The following IFRD1 variants were observed in gnomAD, a reference collection of about 807,000 sequenced individuals.
IFRD1 encodes interferon related developmental regulator 1.
A neutral mutation model predicts 52.9 loss-of-function variants in IFRD1; 35 were observed. That is an observed-to-expected ratio of 0.66 (90% CI 0.51 to 0.88). IFRD1 has a LOEUF of 0.88. IFRD1 is among the 40% of genes least tolerant of loss of function. The pLI is 0.00. For missense variants in IFRD1, 517 were observed against 550.8 expected (o/e 0.94, Z 0.61); for synonymous variants, 184 against 188.4 (o/e 0.98, Z 0.19).
chr7:112,467,868 A>G (rs1795650153), intron 8 of IFRD1, 113 bp from the exon 9 acceptor site: 1 of 1,006,412 alleles, frequency 9.9e-7, no homozygotes, highest in South Asian at 1.4e-5. Flanking sequence ...GAAGATTTAC[A>G]TTGCCTTATG....
chr7:112,437,106 G>A (rs1794719465), intron 1 of IFRD1: 1 of 154,516 alleles, frequency 6.5e-6, no homozygotes, highest in Non-Finnish European at 1.5e-5. Flanking sequence ...GTGTGACCCA[G>A]CTAATACCCA....
chr7:112,454,840 A>G (rs1234944536), intron 1 of IFRD1, among the ~76,000 whole-genome samples: 1 of 119,698 alleles, frequency 8.4e-6, no homozygotes, highest in Non-Finnish European at 1.8e-5. Flanking sequence ...AGAAATAATT[A>G]TTTCATCTTC....
intron 8 of IFRD1, among the ~76,000 whole-genome samples, chr7:112,465,811 G>A (rs574503483): frequency 1.3e-5 from 2 of 152,198 alleles, no homozygotes; most frequent in South Asian, 4.1e-4. Flanking sequence ...GTATGGTTGT[G>A]ATGGCTACAC....
In IFRD1 at chr7:112,461,987, T is replaced by A. The variant is rs763069876; in HGVS notation, c.619-14T>A. The A allele has an allele frequency of 7.2e-5, 115 of 1,605,520 alleles. No individual in the cohort carries two copies. The highest frequency in any genetic ancestry group is 7.4e-5 in the Non-Finnish European group (87 of 1,172,548). On this transcript the variant is annotated splice_polypyrimidine_tract_variant and intron_variant, in intron 6 of 11. Transcript: ENST00000403825. ...TTTAAGATGGTTATCTTACTTCATATTCTTATGCATTAGGAACTATACTCA... is the reference window on the plus strand; with the variant it reads ...TTTAAGATGGTTATCTTACTTCATAATCTTATGCATTAGGAACTATACTCA...
chr7:112,429,187 T>C (rs191069262), intron 1 of IFRD1, among the ~76,000 whole-genome samples: 10 of 152,364 alleles, frequency 6.6e-5, no homozygotes, highest in East Asian at 3.9e-4. Context: ...TTTATCCCAA[T>C]TGTGGCTTTT....
At chr7:112,465,106 C>T (rs1045570345) in intron 8 of IFRD1, among the ~76,000 whole-genome samples, 2 of 152,094 alleles carry the variant, frequency 1.3e-5, no homozygotes, top group African/African-American at 2.4e-5. Context: ...CAAGATCATA[C>T]CTCACTGCAG....
At chr7:112,428,148 C>G (rs1794468527) in intron 1 of IFRD1, among the ~76,000 whole-genome samples, 1 of 152,170 alleles carries the variant, frequency 6.6e-6, no homozygotes, top group Admixed American at 6.5e-5. Flanking sequence ...AGGCATTTGC[C>G]AGAAATGCAG....
intron 8 of IFRD1, 37 bp from the exon 9 acceptor site, chr7:112,467,944 T>C (rs1024569): frequency 0.49 from 777,378 of 1,599,810 alleles, 193,398 homozygotes; most frequent in Non-Finnish European, 0.51. Flanking sequence ...AAAAGAAAAA[T>C]AATAATAAAG....
intron 1 of IFRD1, among the ~76,000 whole-genome samples, chr7:112,441,138 C>T (rs940721006): frequency 2.0e-5 from 3 of 151,906 alleles, no homozygotes; most frequent in Admixed American, 1.3e-4. Flanking sequence ...GCTGGGCGTT[C>T]GTGGTGTGCG....
At chr7:112,426,571 G>A (rs929169180) in intron 1 of IFRD1, among the ~76,000 whole-genome samples, 2 of 152,150 alleles carry the variant, frequency 1.3e-5, no homozygotes, top group Non-Finnish European at 2.9e-5. Context: ...ACAATTATAA[G>A]TCCTGCCAGC....
intron 1 of IFRD1, among the ~76,000 whole-genome samples, chr7:112,440,840 A>G (rs1794865541): frequency 6.6e-6 from 1 of 152,210 alleles, no homozygotes; most frequent in South Asian, 2.1e-4. Context: ...GAAACAATTT[A>G]TTTTAAAAGT....
At position 112,455,824 on chromosome 7, in the gene IFRD1, C is replaced by T; in HGVS notation, c.156C>T (p.Ser52=). The T allele has an allele frequency of 6.2e-7, 1 of 1,612,896 alleles. No individual in the cohort carries two copies. The highest frequency in any genetic ancestry group is 8.5e-7 in the Non-Finnish European group (1 of 1,178,954). ...AAGATGCATCAATTGAAACAATGAG[C>T]CATTGCAGTGGTTATAGCGATCCTT... ...SDEDASIETM[S]HCSGYSDPSS... is the part of the protein sequence containing the mutation. Residue 52 remains serine (S), a synonymous_variant, in exon 2 of 12, where the codon AGC becomes AGT. Coordinates refer to ENST00000403825, the MANE Select transcript of IFRD1 (RefSeq NM_001550.4).
intron 1 of IFRD1, among the ~76,000 whole-genome samples, chr7:112,435,905 CAG>C: frequency 6.8e-6 from 1 of 145,988 alleles, no homozygotes; most frequent in East Asian, 2.0e-4. Context: ...GTTTTTTGAA[CAG>C]AGTCTTGCTC....
In IFRD1 at chr7:112,472,234, A is replaced by G. The variant is rs1414894210; in HGVS notation, c.1057A>G (p.Thr353Ala). Residue 353 changes from threonine (T) to alanine (A), a missense_variant, in exon 10 of 12, where the codon ACA (threonine) becomes GCA (alanine). Coordinates refer to ENST00000403825, the MANE Select transcript of IFRD1 (RefSeq NM_001550.4). ...LRAVEERDFP[T>A]ETIKFGPERM... ...CATTGGTTAGGAACGGGATTTTCCA[A>G]CAGAAACCATTAAATTTGGTCCTGA... The G allele has an allele frequency of 2.5e-6, 4 of 1,613,926 alleles. No individual in the cohort carries two copies. Among genetic ancestry groups the G allele is most frequent in the African/African-American group, 2.7e-5 (2 of 74,904 alleles).
At chr7:112,450,260 T>G (rs1431828338), upstream of IFRD1, 4 of 183,744 alleles carry the variant, frequency 2.2e-5, no homozygotes, top group Non-Finnish European at 4.7e-5. Flanking sequence ...CAGAATTCAG[T>G]GAGGCCACGA....
intron 1 of IFRD1, among the ~76,000 whole-genome samples, chr7:112,432,439 A>C (rs1195460050): frequency 6.6e-6 from 1 of 152,232 alleles, no homozygotes; most frequent in Non-Finnish European, 1.5e-5. Context: ...CAAGTGACTA[A>C]GCCAGGATTT....
At chr7:112,445,354 C>T (rs1795003593) in intron 1 of IFRD1, among the ~76,000 whole-genome samples, 1 of 152,016 alleles carries the variant, frequency 6.6e-6, no homozygotes, top group Admixed American at 6.5e-5. Context: ...GTGTGAGTTA[C>T]CCCGCCCGGC....
At chr7:112,473,356 A>G (rs1196909596) in intron 11 of IFRD1, among the ~76,000 whole-genome samples, 1 of 152,064 alleles carries the variant, frequency 6.6e-6, no homozygotes, top group Non-Finnish European at 1.5e-5. Flanking sequence ...TAAGTGAAGT[A>G]CCAGACTCGT....
At position 112,430,594 on chromosome 7, in the gene IFRD1, C is replaced by T. The variant is rs189773853; in HGVS notation, c.-182+7162C>T. On this transcript the variant is annotated intron_variant, in intron 1 of 12. Coordinates refer to the IFRD1 transcript ENST00000005558. ...CCTGATTTTTGTTGCCCTGGGAACA[C>T]TAGAAAATAGAGAAGTCTTTCACAT... 1.1e-4 allele frequency among the ~76,000 whole-genome samples: 17 copies of T among 152,272 alleles called. No individual in the cohort carries two copies. In the East Asian group the frequency reaches 1.7e-3, roughly 16 times the overall value.
Sources: allele counts gnomAD v4.1 joint callset (sites outside exome capture counted in the v4.1 genomes callset), GRCh38; gene constraint gnomAD v4.1.1; transcripts MANE v1.5; gene names NCBI Gene and HGNC (gene_info 2026-07-23, HGNC 2026-07-21).